Variants in ANK2 observed in about 807,000 individuals in gnomAD.
ANK2 encodes ankyrin 2.
In ANK2, 83 loss-of-function variants were observed where a neutral mutation model predicts 360.5. The observed-to-expected ratio is 0.23, with a 90% CI of 0.19 to 0.28. The LOEUF (loss-of-function observed/expected upper bound fraction) is 0.28, where lower values mean the gene tolerates loss of function less well. Ranked by LOEUF, ANK2 falls within the 10% of genes least tolerant of loss-of-function variation. The probability of loss-of-function intolerance (pLI) is 1.00; values close to 1 mark genes in which losing one functional copy is unlikely to be tolerated. For synonymous variants in ANK2, 1,740 were observed against 1,759.5 expected, an observed-to-expected ratio of 0.99 and a Z score of 0.28; for missense variants, 4,201 against 4,795.7, an observed-to-expected ratio of 0.88 and a Z score of 3.66.
Position 113,160,414 on chromosome 4 carries a change from A to G in ANK2, c.85-14002A>G, listed in dbSNP as rs374446946. On this transcript the variant is annotated intron_variant, in intron 1 of 45. Transcript: ENST00000357077. ...AATGTAATCTTAGGCAATGAGTTTC[A>G]GGTGAATTAATAAGAGCAGATATAA... The G allele has an allele frequency of 1.0e-3, 377 of 365,988 alleles. 2 individuals carry two copies. The highest frequency in any genetic ancestry group is 7.7e-3 in the South Asian group (366 of 47,476). 22.7% of individuals were successfully genotyped at this position (365,988 alleles called of 1,614,324 possible).
the ANK2 span, among the ~76,000 whole-genome samples, chr4:112,762,707 A>G: frequency 6.6e-6 from 1 of 152,112 alleles, no homozygotes; most frequent in Non-Finnish European, 1.5e-5. Context: ...AGTGGGTTTC[A>G]CCACGTTGGC....
intron 2 of ANK2, among the ~76,000 whole-genome samples, chr4:113,177,633 C>T (rs1257684053): frequency 6.6e-6 from 1 of 152,194 alleles, no homozygotes; most frequent in Admixed American, 6.5e-5. Context: ...AGAATAATCT[C>T]TCAACAGTAA....
At chr4:112,748,891 T>G in the ANK2 span, among the ~76,000 whole-genome samples, 1 of 152,062 alleles carries the variant, frequency 6.6e-6, no homozygotes, top group Non-Finnish European at 1.5e-5. Flanking sequence ...GGACCTATGA[T>G]TTTATTTATT....
intron 1 of ANK2, among the ~76,000 whole-genome samples, chr4:113,071,110 C>T (rs981896259): frequency 3.3e-5 from 5 of 152,162 alleles, no homozygotes; most frequent in African/African-American, 1.2e-4. Flanking sequence ...ACAACCATCC[C>T]ATAGTCCTAA....
chr4:113,359,182 G>T lies in ANK2; in HGVS notation c.10564G>T (p.Val3522Phe). The change falls in exon 38 of 46, where the codon GTT (valine) becomes TTT (phenylalanine). Residue 3522 changes from valine to phenylalanine, a missense_variant. Val to Phe is a conservative substitution (Grantham distance 50). Around this residue, in one of 4 missense-constraint regions of ANK2, gnomAD observed 2,642 missense variants for 2,714.5 expected, o/e 0.97. Coordinates refer to ENST00000357077, the MANE Select transcript of ANK2 (RefSeq NM_001148.6). ...EVSVIENLPP[V>F]ETEHSVPEDI... ...ATCAGTAATTGAAAATCTGCCACCT[G>T]TTGAGACCGAGCACTCAGTTCCTGA... is the stretch of plus-strand genomic sequence containing the variant. The T allele has an allele frequency of 1.9e-6, 3 of 1,613,350 alleles. No homozygotes were observed. In the South Asian group the frequency reaches 3.3e-5, roughly 18 times the overall value.
intron 4 of ANK2, among the ~76,000 whole-genome samples, chr4:113,212,670 C>G (rs1378740186): frequency 6.6e-6 from 1 of 152,174 alleles, no homozygotes; most frequent in Non-Finnish European, 1.5e-5. Flanking sequence ...GTAAATGTGT[C>G]TCAGAGTTCT....
the ANK2 span, among the ~76,000 whole-genome samples, chr4:112,736,464 CA>C: frequency 0.56 from 70,974 of 127,348 alleles, 18,159 homozygotes; most frequent in East Asian, 0.76. Flanking sequence ...GACTCCGTCT[CA>C]AAAAAAAAAA....
chr4:113,323,033 T>C (rs79948620), intron 26 of ANK2, among the ~76,000 whole-genome samples: 130 of 152,240 alleles, frequency 8.5e-4, no homozygotes, highest in African/African-American at 3.0e-3. Flanking sequence ...TGTATGTCAT[T>C]AGGGTTGAAA....
intron 1 of ANK2, among the ~76,000 whole-genome samples, chr4:113,054,116 CTA>C (rs1414035171): frequency 6.6e-6 from 1 of 152,136 alleles, no homozygotes; most frequent in Non-Finnish European, 1.5e-5. Context: ...GTGAGTTCTT[CTA>C]AAACAAGTAC....
intron 1 of ANK2, among the ~76,000 whole-genome samples, chr4:112,880,049 C>CAT (rs2076268334): frequency 7.9e-6 from 1 of 126,198 alleles, no homozygotes; most frequent in South Asian, 2.3e-4. Context: ...CACAGACACT[C>CAT]ACACACACAC....
the ANK2 span, among the ~76,000 whole-genome samples, chr4:112,804,504 A>G: frequency 2.0e-5 from 3 of 152,172 alleles, no homozygotes; most frequent in African/African-American, 7.2e-5. Context: ...AGTGATGAGC[A>G]TTTGCATATA....
intron 45 of ANK2, among the ~76,000 whole-genome samples, chr4:113,376,344 A>G (rs896518765): frequency 1.3e-5 from 2 of 152,210 alleles, no homozygotes; most frequent in Non-Finnish European, 2.9e-5. Context: ...GTATTTCCCT[A>G]TCTAAAAATA....
At chr4:113,003,011 G>A (rs1001022585) in intron 2 of ANK2, among the ~76,000 whole-genome samples, 1 of 152,124 alleles carries the variant, frequency 6.6e-6, no homozygotes, top group African/African-American at 2.4e-5. Flanking sequence ...CATCTGCCAT[G>A]GGTTCACTCC....
intron 1 of ANK2, among the ~76,000 whole-genome samples, chr4:112,898,107 GTACAGAGTTCTGGGA>G (rs1288985748): frequency 6.6e-6 from 1 of 152,054 alleles, no homozygotes; most frequent in Non-Finnish European, 1.5e-5. Context: ...TGAGCAAATA[GTACAGAGTTCTGGGA>G]TTATCCTCTC....
intron 2 of ANK2, among the ~76,000 whole-genome samples, chr4:113,042,617 A>C (rs1312537057): frequency 1.3e-5 from 2 of 152,122 alleles, no homozygotes; most frequent in Non-Finnish European, 2.9e-5. Flanking sequence ...ATGGACAAAC[A>C]TGCTTGCTGA....
At chr4:112,758,196 G>A in the ANK2 span, among the ~76,000 whole-genome samples, 2 of 151,836 alleles carry the variant, frequency 1.3e-5, no homozygotes, top group African/African-American at 4.8e-5. Context: ...CACCGCGTCC[G>A]GCCAAGATGG....
At chr4:113,200,080 T>TA (rs1248223043) in intron 4 of ANK2, among the ~76,000 whole-genome samples, 3 of 152,350 alleles carry the variant, frequency 2.0e-5, no homozygotes, top group South Asian at 2.1e-4. Context: ...TTATGATAGA[T>TA]AAGACATTAT....
the ANK2 span, among the ~76,000 whole-genome samples, chr4:112,809,669 C>G: frequency 6.6e-6 from 1 of 150,626 alleles, no homozygotes; most frequent in Non-Finnish European, 1.5e-5. Context: ...ATAGCATGAG[C>G]CCAGGAGTTC....
the ANK2 span, among the ~76,000 whole-genome samples, chr4:112,705,703 G>A: frequency 6.6e-6 from 1 of 152,236 alleles, no homozygotes; most frequent in South Asian, 2.1e-4. Flanking sequence ...GGTGCATATA[G>A]ACATATTTCT....
Sources: gnomAD v4.1 joint callset for allele counts (sites outside exome capture counted in the v4.1 genomes callset) on GRCh38, gnomAD v4.1.1 for gene constraint, gnomAD v4.1.1 regional missense constraint, MANE v1.5 for transcripts, NCBI Gene and HGNC (gene_info 2026-07-23, HGNC 2026-07-21) for gene names.